NSMCE2: variants seen among roughly 807,000 people sequenced by gnomAD.
NSMCE2 encodes the protein E3 SUMO-protein ligase NSE2.
In NSMCE2, 24 loss-of-function variants were observed where a neutral mutation model predicts 23.8. That is an observed-to-expected ratio of 1.01 (90% CI 0.73 to 1.42). The LOEUF (loss-of-function observed/expected upper bound fraction) is 1.42, where lower values mean the gene tolerates loss of function less well. Ranked by LOEUF, NSMCE2 falls within the 40% of genes most tolerant of loss-of-function variation. The pLI, the probability that NSMCE2 is intolerant of heterozygous loss-of-function variation, is 0.00. For missense variants in NSMCE2, 284 were observed against 296.5 expected (o/e 0.96, Z 0.31); for synonymous variants, 92 against 94.1 (o/e 0.98, Z 0.13).
chr8:125,145,644 G>T (rs1235059215), intron 3 of NSMCE2, among the ~76,000 whole-genome samples: 2 of 152,158 alleles, frequency 1.3e-5, no homozygotes, highest in Non-Finnish European at 2.9e-5. Flanking sequence ...CCCAGACTTC[G>T]CTTGGCAGGG....
intron 5 of NSMCE2, among the ~76,000 whole-genome samples, chr8:125,327,146 A>G (rs1829699559): frequency 2.0e-5 from 3 of 151,266 alleles, no homozygotes; most frequent in African/African-American, 7.3e-5. Flanking sequence ...AGCACTTGTA[A>G]TCCCAGCTAT....
chr8:125,184,343 A>G (rs995961358), intron 5 of NSMCE2, among the ~76,000 whole-genome samples: 12 of 151,710 alleles, frequency 7.9e-5, no homozygotes, highest in Non-Finnish European at 1.3e-4. Context: ...AATCATGGCT[A>G]TTACTTCTTA....
chr8:125,280,459 G>A (rs901548172), intron 5 of NSMCE2, among the ~76,000 whole-genome samples: 2 of 152,126 alleles, frequency 1.3e-5, no homozygotes, highest in African/African-American at 4.8e-5. Flanking sequence ...CAGTTTTACT[G>A]TCCTCTGTGC....
chr8:125,250,815 C>T (rs1184117530), intron 5 of NSMCE2, among the ~76,000 whole-genome samples: 1 of 151,966 alleles, frequency 6.6e-6, no homozygotes, highest in East Asian at 1.9e-4. Context: ...CACACCCAGC[C>T]CATTTCTTAG....
At chr8:125,202,776 A>G (rs1563716818) in intron 5 of NSMCE2, among the ~76,000 whole-genome samples, 1 of 152,228 alleles carries the variant, frequency 6.6e-6, no homozygotes, top group East Asian at 1.9e-4. Flanking sequence ...ATTGGCATGA[A>G]TTCTTAAGCA....
intron 5 of NSMCE2, among the ~76,000 whole-genome samples, chr8:125,298,047 G>T (rs1220724105): frequency 1.3e-5 from 2 of 152,178 alleles, no homozygotes; most frequent in African/African-American, 4.8e-5. Context: ...GACCACCTGA[G>T]ATCAGAAGTT....
intron 5 of NSMCE2, among the ~76,000 whole-genome samples, chr8:125,350,028 G>A (rs988995326): frequency 6.6e-6 from 1 of 152,188 alleles, no homozygotes; most frequent in Non-Finnish European, 1.5e-5. Flanking sequence ...CTCCTGCCTT[G>A]TTGGATGAGG....
chr8:125,319,549 TA>T (rs2131262420), intron 5 of NSMCE2, among the ~76,000 whole-genome samples: 1 of 152,238 alleles, frequency 6.6e-6, no homozygotes, highest in Admixed American at 6.5e-5. Flanking sequence ...AGTGGGGGTG[TA>T]TGTCTTTACA....
intron 4 of NSMCE2, among the ~76,000 whole-genome samples, chr8:125,166,158 G>A (rs931556454): frequency 1.3e-5 from 2 of 152,144 alleles, no homozygotes; most frequent in African/African-American, 4.8e-5. Context: ...AAAAGTCATG[G>A]CACTTTGGAA....
chr8:125,269,034 A>G (rs997644644), intron 5 of NSMCE2, among the ~76,000 whole-genome samples: 2 of 152,156 alleles, frequency 1.3e-5, no homozygotes, highest in African/African-American at 2.4e-5. Flanking sequence ...ATGCATAGCT[A>G]TCTTTGCTTA....
chr8:125,209,836 C>T (rs1239114435), intron 5 of NSMCE2, among the ~76,000 whole-genome samples: 1 of 152,096 alleles, frequency 6.6e-6, no homozygotes, highest in Admixed American at 6.5e-5. Context: ...TATAATAGCT[C>T]TTATCATTTC....
intron 5 of NSMCE2, among the ~76,000 whole-genome samples, chr8:125,261,662 A>G (rs186548518): frequency 1.4e-3 from 214 of 152,300 alleles, no homozygotes; most frequent in Middle Eastern, 6.8e-3. Context: ...TTAAGATTTC[A>G]TAACCAAGGG....
At chr8:125,290,220 G>T (rs1828055447) in intron 5 of NSMCE2, among the ~76,000 whole-genome samples, 1 of 152,000 alleles carries the variant, frequency 6.6e-6, no homozygotes, top group East Asian at 1.9e-4. Context: ...ATGAGATTAA[G>T]TAGAATATGT....
rs1054305860 is a variant in NSMCE2 at position 125,102,542 on chromosome 8, G to T, written c.157+55G>T. 6.4e-5 allele frequency: 91 copies of T among 1,423,980 alleles called. No individual in the cohort carries two copies. In the Admixed American group the frequency reaches 8.0e-4, roughly 13 times the overall value. The allele number at this position is 1,423,980 out of a possible 1,614,324, so 88.2% of individuals were successfully genotyped here. A position where few individuals can be genotyped will look rare whatever the true frequency, so the allele number is the denominator to read the frequency against. On this transcript the variant is annotated intron_variant, in intron 3 of 7. Coordinates refer to ENST00000287437, the MANE Select transcript of NSMCE2 (RefSeq NM_173685.4). ...TACTTTGAGGTAACACTGTGTGGTGGTATTTATCTGGGGGTGCCTTTTGAG... is the reference window on the plus strand; with the variant it reads ...TACTTTGAGGTAACACTGTGTGGTGTTATTTATCTGGGGGTGCCTTTTGAG...
chr8:125,232,207 A>C (rs938104597), intron 5 of NSMCE2, among the ~76,000 whole-genome samples: 1 of 152,082 alleles, frequency 6.6e-6, no homozygotes, highest in African/African-American at 2.4e-5. Context: ...CTAAAAATAC[A>C]AAAAAATCAG....
At chr8:125,126,798 A>G (rs866358197) in intron 3 of NSMCE2, among the ~76,000 whole-genome samples, 3 of 152,210 alleles carry the variant, frequency 2.0e-5, no homozygotes, top group Admixed American at 6.5e-5. Context: ...TTAACATCTA[A>G]TAAGTATTTA....
intron 5 of NSMCE2, among the ~76,000 whole-genome samples, chr8:125,337,697 C>G (rs1040618440): frequency 5.3e-5 from 8 of 151,604 alleles, no homozygotes; most frequent in African/African-American, 1.9e-4. Flanking sequence ...GAGTTTGAGA[C>G]CAGCCTGACC....
intron 3 of NSMCE2, among the ~76,000 whole-genome samples, chr8:125,150,018 T>C (rs1820909320): frequency 6.6e-6 from 1 of 152,138 alleles, no homozygotes; most frequent in Non-Finnish European, 1.5e-5. Flanking sequence ...TGAGACCACC[T>C]CCCACCAAGA....
chr8:125,147,986 C>T (rs569903890), intron 3 of NSMCE2, among the ~76,000 whole-genome samples: 30 of 152,156 alleles, frequency 2.0e-4, no homozygotes, highest in Non-Finnish European at 3.5e-4. Flanking sequence ...GGTCTCTCAG[C>T]CCCCTGCTAC....
Sources: allele counts gnomAD v4.1 joint callset (sites outside exome capture counted in the v4.1 genomes callset), GRCh38; gene constraint gnomAD v4.1.1; transcripts MANE v1.5; gene names NCBI Gene and HGNC (gene_info 2026-07-23, HGNC 2026-07-21).